WDR7: variants seen among roughly 807,000 people sequenced by gnomAD.
The protein encoded by WDR7 is WD repeat domain 7, also known as WD repeat-containing protein 7.
Under a neutral mutation model 169.4 loss-of-function variants are expected in WDR7, and 46 were observed. The observed-to-expected ratio is 0.27, with a 90% confidence interval of 0.21 to 0.35. The LOEUF (loss-of-function observed/expected upper bound fraction) is 0.35, where lower values mean the gene tolerates loss of function less well. WDR7 is among the 10% of genes least tolerant of loss of function. The probability of loss-of-function intolerance (pLI) is 1.00; values close to 1 mark genes in which losing one functional copy is unlikely to be tolerated. For synonymous variants in WDR7, 612 were observed against 666.8 expected, an observed-to-expected ratio of 0.92 and a Z score of 1.27; for missense variants, 1,534 against 1,859.3, an observed-to-expected ratio of 0.83 and a Z score of 3.22.
At chr18:56,819,658 A>G (rs2045050991) in intron 20 of WDR7, among the ~76,000 whole-genome samples, 1 of 152,182 alleles carries the variant, frequency 6.6e-6, no homozygotes, top group African/African-American at 2.4e-5. Context: ...TATTAAACCT[A>G]TTACATTCAA....
chr18:56,935,259 A>C (rs1257479942), intron 22 of WDR7, among the ~76,000 whole-genome samples: 1 of 152,204 alleles, frequency 6.6e-6, no homozygotes, highest in Non-Finnish European at 1.5e-5. Flanking sequence ...AAAGTACTAA[A>C]CTGGGGTAAA....
At chr18:56,770,285 A>G (rs1243110025) in intron 16 of WDR7, among the ~76,000 whole-genome samples, 2 of 152,174 alleles carry the variant, frequency 1.3e-5, no homozygotes, top group East Asian at 1.9e-4. Flanking sequence ...ACTTTGTCTT[A>G]TCTTTGTGTG....
At chr18:56,933,725 C>G (rs1244354707) in intron 22 of WDR7, among the ~76,000 whole-genome samples, 2 of 152,230 alleles carry the variant, frequency 1.3e-5, no homozygotes, top group Non-Finnish European at 2.9e-5. Flanking sequence ...AAGACATCCA[C>G]AACTACCCAG....
At chr18:56,801,559 C>T (rs147503776) in intron 19 of WDR7, among the ~76,000 whole-genome samples, 2 of 152,200 alleles carry the variant, frequency 1.3e-5, no homozygotes, top group Non-Finnish European at 2.9e-5. Flanking sequence ...CAGTACCATA[C>T]AGAACGTTTG....
intron 2 of WDR7, among the ~76,000 whole-genome samples, chr18:56,676,506 T>TA (rs909682853): frequency 6.6e-6 from 1 of 152,212 alleles, no homozygotes; most frequent in Non-Finnish European, 1.5e-5. Flanking sequence ...ACTCAGGTGA[T>TA]ACGATTTATT....
intron 12 of WDR7, chr18:56,699,941 A>C: frequency 1.1e-6 from 1 of 916,476 alleles, no homozygotes; most frequent in Non-Finnish European, 1.3e-6. Flanking sequence ...TTCTTTCCCC[A>C]CTCCTTCATT....
chr18:56,700,638 C>T (rs565598905), intron 12 of WDR7, among the ~76,000 whole-genome samples: 3 of 146,112 alleles, frequency 2.1e-5, no homozygotes, highest in African/African-American at 5.1e-5. Context: ...GGCGCGATCT[C>T]GGCTCACTGC....
intron 19 of WDR7, among the ~76,000 whole-genome samples, chr18:56,811,645 T>C (rs1431097311): frequency 1.3e-5 from 2 of 152,164 alleles, no homozygotes; most frequent in Non-Finnish European, 2.9e-5. Flanking sequence ...TACTTTGAGT[T>C]ACTATTTATA....
At chr18:56,688,484 C>T (rs1469149510) in intron 7 of WDR7, among the ~76,000 whole-genome samples, 9 of 151,070 alleles carry the variant, frequency 6.0e-5, no homozygotes, top group African/African-American at 2.2e-4. Flanking sequence ...TTGGGAGGCC[C>T]GAGGCAGGCA....
At chr18:56,738,177 T>C (rs564437730) in intron 14 of WDR7, among the ~76,000 whole-genome samples, 2 of 152,346 alleles carry the variant, frequency 1.3e-5, no homozygotes, top group East Asian at 3.9e-4. Context: ...TCCCCTTCCA[T>C]TCTGGAGAGA....
chr18:56,878,142 A>G (rs917555404), intron 20 of WDR7, among the ~76,000 whole-genome samples: 4 of 152,240 alleles, frequency 2.6e-5, no homozygotes, highest in African/African-American at 7.2e-5. Context: ...TTAAGAAGTA[A>G]CATTCCTATT....
At chr18:56,809,150 A>G (rs2044826129) in intron 19 of WDR7, among the ~76,000 whole-genome samples, 2 of 152,102 alleles carry the variant, frequency 1.3e-5, no homozygotes, top group African/African-American at 4.8e-5. Flanking sequence ...GGTATAATGT[A>G]CATTGGTTTT....
chr18:57,007,941 ATTCC>A (rs1568311178), intron 26 of WDR7, among the ~76,000 whole-genome samples: 2 of 152,154 alleles, frequency 1.3e-5, no homozygotes, highest in East Asian at 3.9e-4. Context: ...TGCAGGGTCT[ATTCC>A]TTCCACATCT....
chr18:56,744,102 A>G (rs62101713), intron 14 of WDR7, among the ~76,000 whole-genome samples: 1,832 of 151,602 alleles, frequency 0.012, 19 homozygotes, highest in Non-Finnish European at 0.021. Context: ...AGCTGGGCGT[A>G]GTGGCGGGCG....
At chr18:56,988,561 T>G (rs2047759327) in intron 26 of WDR7, among the ~76,000 whole-genome samples, 1 of 150,958 alleles carries the variant, frequency 6.6e-6, no homozygotes, top group Admixed American at 6.6e-5. Flanking sequence ...AAGGTAAGTT[T>G]CCTCAGAAGA....
At chr18:56,806,786 A>T (rs768495697) in intron 19 of WDR7, among the ~76,000 whole-genome samples, 18 of 152,178 alleles carry the variant, frequency 1.2e-4, no homozygotes, top group Non-Finnish European at 2.1e-4. Flanking sequence ...GGCTTGTTGC[A>T]TAATAGCCTG....
intron 17 of WDR7, among the ~76,000 whole-genome samples, chr18:56,777,567 A>G (rs2145054324): frequency 6.6e-6 from 1 of 152,312 alleles, no homozygotes; most frequent in South Asian, 2.1e-4. Context: ...TGTACTGCCC[A>G]GAAGCTTAAT....
intron 21 of WDR7, among the ~76,000 whole-genome samples, chr18:56,900,098 A>G (rs1318262611): frequency 6.7e-6 from 1 of 148,240 alleles, no homozygotes; most frequent in Non-Finnish European, 1.5e-5. Context: ...ATATATATAT[A>G]TATATATATA....
chr18:56,909,602 G>A (rs140539012), intron 21 of WDR7, among the ~76,000 whole-genome samples: 212 of 151,946 alleles, frequency 1.4e-3, no homozygotes, highest in African/African-American at 4.9e-3. Flanking sequence ...ATTTTTATAT[G>A]TTTTATATAT....
Sources: allele counts gnomAD v4.1 joint callset (sites outside exome capture counted in the v4.1 genomes callset), GRCh38; gene constraint gnomAD v4.1.1; transcripts MANE v1.5; gene names NCBI Gene and HGNC (gene_info 2026-07-23, HGNC 2026-07-21).